ARHGEF3: variants seen among roughly 807,000 people sequenced by gnomAD.
The protein encoded by ARHGEF3 is Rho guanine nucleotide exchange factor 3.
ARHGEF3 carries 28 observed loss-of-function variants against 63.2 expected under a neutral mutation model. That is an observed-to-expected ratio of 0.44 (90% confidence interval 0.33 to 0.61). The LOEUF is 0.61. Among genes scored for constraint, ARHGEF3 ranks in the 20% least tolerant of loss-of-function variants. The probability of loss-of-function intolerance (pLI) is 0.03; values close to 1 mark genes in which losing one functional copy is unlikely to be tolerated. For missense variants in ARHGEF3, 533 were observed against 659.3 expected (o/e 0.81, Z 2.10); for synonymous variants, 266 against 254.2 (o/e 1.05, Z -0.44).
intron 3 of ARHGEF3, among the ~76,000 whole-genome samples, chr3:56,883,528 C>T (rs2040835298): frequency 6.6e-6 from 1 of 152,152 alleles, no homozygotes; most frequent in Non-Finnish European, 1.5e-5. Flanking sequence ...AACTCCTGGG[C>T]TCAAGTGATC....
intron 2 of ARHGEF3, among the ~76,000 whole-genome samples, chr3:56,969,208 T>C (rs1397739640): frequency 3.3e-5 from 5 of 152,184 alleles, no homozygotes; most frequent in African/African-American, 1.2e-4. Context: ...AACAAATACA[T>C]GTGCATAGTT....
chr3:56,978,669 A>C (rs1701213205), intron 2 of ARHGEF3, among the ~76,000 whole-genome samples: 1 of 152,248 alleles, frequency 6.6e-6, no homozygotes, highest in Non-Finnish European at 1.5e-5. Context: ...TATTGACGTG[A>C]AATTTCCACA....
chr3:56,972,521 G>A (rs1700957342), intron 2 of ARHGEF3, among the ~76,000 whole-genome samples: 1 of 152,052 alleles, frequency 6.6e-6, no homozygotes, highest in Admixed American at 6.5e-5. Context: ...TATGGAGAAG[G>A]ACAAAGCAGG....
chr3:57,015,407 G>A (rs1262897641), intron 2 of ARHGEF3, among the ~76,000 whole-genome samples: 1 of 152,094 alleles, frequency 6.6e-6, no homozygotes, highest in Non-Finnish European at 1.5e-5. Context: ...AAAGGTGTAT[G>A]TGCTCTTACA....
intron 2 of ARHGEF3, among the ~76,000 whole-genome samples, chr3:56,766,823 C>T (rs1259810168): frequency 6.6e-6 from 1 of 152,238 alleles, no homozygotes; most frequent in East Asian, 1.9e-4. Flanking sequence ...TTAGTATTCA[C>T]ACCCTTTGAC....
intron 4 of ARHGEF3, among the ~76,000 whole-genome samples, chr3:56,832,973 GTTGAAGAATATTCCC>G (rs2038981203): frequency 6.6e-6 from 1 of 152,086 alleles, no homozygotes; most frequent in Non-Finnish European, 1.5e-5. Flanking sequence ...CCTTTTTATG[GTTGAAGAATATTCCC>G]TTGTTTGGAT....
chr3:56,895,201 T>C (rs147070060), intron 3 of ARHGEF3, among the ~76,000 whole-genome samples: 13 of 151,432 alleles, frequency 8.6e-5, no homozygotes, highest in Admixed American at 5.9e-4. Context: ...AGGCGCTGCA[T>C]CAGAAATGGG....
chr3:56,767,913 A>G (rs1225574957), intron 2 of ARHGEF3, among the ~76,000 whole-genome samples: 1 of 151,622 alleles, frequency 6.6e-6, no homozygotes, highest in Non-Finnish European at 1.5e-5. Context: ...CGCCCAGCTA[A>G]TTTTCGTGTT....
At chr3:56,799,314 C>T (rs1223027621) in intron 1 of ARHGEF3, among the ~76,000 whole-genome samples, 1 of 152,186 alleles carries the variant, frequency 6.6e-6, no homozygotes, top group Non-Finnish European at 1.5e-5. Flanking sequence ...GCTGTGTGCA[C>T]TGTCCTACCC....
intron 9 of ARHGEF3, among the ~76,000 whole-genome samples, chr3:56,730,741 T>C (rs1047488698): frequency 6.6e-6 from 1 of 152,204 alleles, no homozygotes; most frequent in African/African-American, 2.4e-5. Context: ...CCACATGCAA[T>C]GCTTGGTTCA....
intron 3 of ARHGEF3, among the ~76,000 whole-genome samples, chr3:56,903,705 A>G (rs1053020633): frequency 1.3e-5 from 2 of 152,048 alleles, no homozygotes; most frequent in Non-Finnish European, 2.9e-5. Flanking sequence ...TTTCAATCCA[A>G]CCAGAATTAA....
chr3:56,775,188 A>C, intron 1 of ARHGEF3: 1 of 1,485,354 alleles, frequency 6.7e-7, no homozygotes, highest in Non-Finnish European at 9.0e-7. Flanking sequence ...TTAAGGCAGA[A>C]CTTCAGATTC....
At chr3:56,991,677 C>G (rs1338541222) in intron 2 of ARHGEF3, among the ~76,000 whole-genome samples, 2 of 152,166 alleles carry the variant, frequency 1.3e-5, no homozygotes, top group Non-Finnish European at 2.9e-5. Context: ...TGCAGTGGCA[C>G]GATCGCAGTT....
At chr3:56,740,041 G>C (rs9866237) in intron 7 of ARHGEF3, among the ~76,000 whole-genome samples, 2 of 151,398 alleles carry the variant, frequency 1.3e-5, no homozygotes, top group Admixed American at 6.6e-5. Flanking sequence ...CTGGGATTAC[G>C]GGCACCTGCC....
At chr3:57,023,339 T>A (rs1374327772) in intron 2 of ARHGEF3, among the ~76,000 whole-genome samples, 8 of 152,236 alleles carry the variant, frequency 5.3e-5, no homozygotes, top group Non-Finnish European at 5.9e-5. Context: ...TTATCCAAGC[T>A]ATCCACTCAC....
chr3:56,924,621 T>C (rs928891293), intron 3 of ARHGEF3, among the ~76,000 whole-genome samples: 1 of 152,214 alleles, frequency 6.6e-6, no homozygotes, highest in Non-Finnish European at 1.5e-5. Context: ...ATAGAACATA[T>C]AGGGTAACTT....
At chr3:56,897,180 C>T (rs574591532) in intron 3 of ARHGEF3, among the ~76,000 whole-genome samples, 1 of 152,258 alleles carries the variant, frequency 6.6e-6, no homozygotes, top group Admixed American at 6.5e-5. Flanking sequence ...GGGTTATGAT[C>T]CGTTACTATC....
chr3:57,069,393 A>C (rs1189233687), intron 1 of ARHGEF3, among the ~76,000 whole-genome samples: 1 of 151,904 alleles, frequency 6.6e-6, no homozygotes, highest in East Asian at 1.9e-4. Flanking sequence ...ACACACACAC[A>C]CACACACACA....
intron 3 of ARHGEF3, among the ~76,000 whole-genome samples, chr3:56,905,819 G>A (rs939834831): frequency 1.3e-5 from 2 of 152,174 alleles, no homozygotes; most frequent in African/African-American, 4.8e-5. Flanking sequence ...AATCTCTAGA[G>A]TTGTGCTGTC....
Sources: allele counts gnomAD v4.1 joint callset (sites outside exome capture counted in the v4.1 genomes callset), GRCh38; gene constraint gnomAD v4.1.1; transcripts MANE v1.5; gene names NCBI Gene and HGNC (gene_info 2026-07-23, HGNC 2026-07-21).